The following SNX8 variants were observed in gnomAD, a reference collection of about 807,000 sequenced individuals.
The protein encoded by SNX8 is sorting nexin 8.
A neutral mutation model predicts 51.6 loss-of-function variants in SNX8; 25 were observed. That is an observed-to-expected ratio of 0.48 (90% confidence interval 0.35 to 0.68). The LOEUF (loss-of-function observed/expected upper bound fraction) is 0.68. Ranked by LOEUF, SNX8 falls within the 30% of genes least tolerant of loss-of-function variation. The pLI is 0.00. For synonymous variants in SNX8, 324 were observed against 277.0 expected (o/e 1.17, Z -1.68); for missense variants, 695 against 624.0 (o/e 1.11, Z -1.21).
At chr7:2,313,212 T>C (rs1303419151) in intron 1 of SNX8, among the ~76,000 whole-genome samples, 1 of 151,854 alleles carries the variant, frequency 6.6e-6, no homozygotes, top group East Asian at 2.0e-4. Context: ...TTTAGCCTCA[T>C]TAACCCAAAT....
chr7:2,340,926 G>A (rs985084798), intron 1 of SNX8, among the ~76,000 whole-genome samples: 52 of 145,426 alleles, frequency 3.6e-4, no homozygotes, highest in African/African-American at 1.0e-3. Flanking sequence ...GCTCATGCTT[G>A]TAATCCCAGC....
chr7:2,341,499 C>CA (rs928354248), intron 1 of SNX8, among the ~76,000 whole-genome samples: 9 of 150,688 alleles, frequency 6.0e-5, no homozygotes, highest in Non-Finnish European at 1.0e-4. Context: ...GACTCCATCT[C>CA]AAAAAAAAGC....
At chr7:2,309,929 G>C (rs1040700107) in intron 1 of SNX8, 7 of 464,776 alleles carry the variant, frequency 1.5e-5, no homozygotes, top group Non-Finnish European at 2.7e-5. Flanking sequence ...AAAGGCCCTG[G>C]ACCTGCCTCA....
intron 1 of SNX8, among the ~76,000 whole-genome samples, chr7:2,347,702 G>A (rs1345217075): frequency 1.3e-5 from 2 of 150,598 alleles, no homozygotes; most frequent in South Asian, 4.2e-4. Flanking sequence ...CTGGAGTGCA[G>A]TGGTGTGATC....
At chr7:2,267,845 G>A (rs566954929) in intron 5 of SNX8, among the ~76,000 whole-genome samples, 1 of 118,702 alleles carries the variant, frequency 8.4e-6, no homozygotes, top group South Asian at 3.2e-4. Flanking sequence ...CCGCCCGGCC[G>A]CCATCCCATC....
intron 1 of SNX8, among the ~76,000 whole-genome samples, chr7:2,283,367 GC>G (rs1340385970): frequency 6.6e-6 from 1 of 152,186 alleles, no homozygotes. Flanking sequence ...CCAGCGTGGG[GC>G]TACACTGAGC....
In SNX8 at chr7:2,271,759, GA is replaced by G. The variant is rs552675862; in HGVS notation, c.540+90del. 3,001 of 1,445,290 alleles carry G rather than the reference GA, an allele frequency of 2.1e-3. 5 individuals carry two copies. Among genetic ancestry groups the G allele is most frequent in the Admixed American group, 2.6e-3 (120 of 46,186 alleles). The allele number at this position is 1,445,290 out of a possible 1,614,324, so 89.5% of individuals were successfully genotyped here. A position where few individuals can be genotyped will look rare whatever the true frequency, so the allele number is the denominator to read the frequency against. Reference sequence around the variant, plus strand: ...GGGCGTCCAAACAAGGGACCAGGAGGATAAGAAACCACACCTGAGAGAGGAA... The same window carrying G: ...GGGCGTCCAAACAAGGGACCAGGAGGTAAGAAACCACACCTGAGAGAGGAA... On this transcript the variant is annotated intron_variant, in intron 4 of 10. Transcript: ENST00000222990.
intron 1 of SNX8, among the ~76,000 whole-genome samples, chr7:2,304,349 C>A (rs1372490868): frequency 1.3e-5 from 2 of 151,042 alleles, no homozygotes; most frequent in South Asian, 2.1e-4. Context: ...TAGAGACCAT[C>A]CTGGCTAACA....
At chr7:2,308,614 C>T (rs1342447267) in intron 1 of SNX8, among the ~76,000 whole-genome samples, 1 of 138,142 alleles carries the variant, frequency 7.2e-6, no homozygotes, top group African/African-American at 2.7e-5. Flanking sequence ...TGCAGTGAGG[C>T]TAGATGGCAC....
intron 8 of SNX8, 39 bp from the exon 9 acceptor site, chr7:2,257,553 G>A (rs776617786): frequency 2.5e-6 from 4 of 1,597,974 alleles, no homozygotes; most frequent in Admixed American, 1.7e-5. Flanking sequence ...CTGTCTGGAT[G>A]CCTGCGCCAG....
At chr7:2,256,067 C>T (rs1333413947) in intron 10 of SNX8, among the ~76,000 whole-genome samples, 1 of 152,224 alleles carries the variant, frequency 6.6e-6, no homozygotes, top group Non-Finnish European at 1.5e-5. Context: ...TGGTCCCATT[C>T]CTTCACTGAG....
intron 1 of SNX8, among the ~76,000 whole-genome samples, chr7:2,281,739 CAG>C (rs1584696961): frequency 6.6e-6 from 1 of 152,164 alleles, no homozygotes; most frequent in Non-Finnish European, 1.5e-5. Context: ...GGATCTGGCT[CAG>C]AGAGATCCTG....
At chr7:2,311,053 A>G (rs1438409387) in intron 1 of SNX8, among the ~76,000 whole-genome samples, 1 of 152,192 alleles carries the variant, frequency 6.6e-6, no homozygotes, top group African/African-American at 2.4e-5. Flanking sequence ...GGCATAACTG[A>G]AAATTAAGTT....
At position 2,295,402 on chromosome 7, in the gene SNX8, CA is replaced by C. The variant is rs35446427; in HGVS notation, c.95-17098del. ...CGGGTAACAGAGGGATACTCCATCT[CA>C]AAAAAAAAAAAAAAAAAGAGGCCAG... is the stretch of plus-strand genomic sequence containing the variant. On this transcript the variant is annotated intron_variant, in intron 1 of 10. Coordinates refer to ENST00000222990, the MANE Select transcript of SNX8 (RefSeq NM_013321.4). 7.4e-3 allele frequency among the ~76,000 whole-genome samples: 682 copies of C among 91,884 alleles called. 4 individuals carry two copies. Among genetic ancestry groups the C allele is most frequent in the African/African-American group, 0.027 (558 of 20,306 alleles). The allele number at this position is 91,884 out of a possible 152,430, so 60.3% of individuals were successfully genotyped here.
At chr7:2,314,207 C>G (rs997004575) in intron 1 of SNX8, 121 bp downstream of exon 1, 43 of 1,064,090 alleles carry the variant, frequency 4.0e-5, no homozygotes, top group Non-Finnish European at 5.0e-5. Flanking sequence ...TGGGGCCGAA[C>G]GCGGGGCGCG....
upstream of SNX8, among the ~76,000 whole-genome samples, chr7:2,314,909 C>CA (rs1387847760): frequency 1.3e-5 from 2 of 152,092 alleles, no homozygotes; most frequent in African/African-American, 4.8e-5. Context: ...CTGCATCCTA[C>CA]ATTCATTCAT....
intron 5 of SNX8, among the ~76,000 whole-genome samples, chr7:2,267,325 C>T (rs1795490441): frequency 7.0e-6 from 1 of 142,848 alleles, no homozygotes; most frequent in Non-Finnish European, 1.5e-5. Context: ...TCCCCCTCCC[C>T]CTCCCCCTCT....
At chr7:2,267,998 GC>G (rs1284935401) in intron 5 of SNX8, among the ~76,000 whole-genome samples, 149 of 149,032 alleles carry the variant, frequency 1.0e-3, no homozygotes, top group Non-Finnish European at 1.9e-3. Flanking sequence ...CCTCTGCCCG[GC>G]CGAGACCCCG....
intron 4 of SNX8, among the ~76,000 whole-genome samples, chr7:2,270,694 C>A (rs948539867): frequency 6.6e-6 from 1 of 152,116 alleles, no homozygotes; most frequent in Non-Finnish European, 1.5e-5. Flanking sequence ...ACTGCCTGCT[C>A]CAGACATCCC....
Sources: gnomAD v4.1 joint callset for allele counts (sites outside exome capture counted in the v4.1 genomes callset) on GRCh38, gnomAD v4.1.1 for gene constraint, MANE v1.5 for transcripts, NCBI Gene and HGNC (gene_info 2026-07-23, HGNC 2026-07-21) for gene names.